The following PTGER3 variants were observed in gnomAD, a reference collection of about 807,000 sequenced individuals.
PTGER3 encodes prostaglandin E receptor 3, also known as prostaglandin E2 receptor EP3 subtype.
In PTGER3, 22 loss-of-function variants were observed where a neutral mutation model predicts 34.7. The observed-to-expected ratio is 0.63, with a 90% CI of 0.45 to 0.91. PTGER3 has a LOEUF of 0.91. PTGER3 is among the 40% of genes least tolerant of loss of function. PTGER3 has a pLI of 0.00. For missense variants in PTGER3, 468 were observed against 519.4 expected, an observed-to-expected ratio of 0.90 and a Z score of 0.96; for synonymous variants, 241 against 230.1, an observed-to-expected ratio of 1.05 and a Z score of -0.43.
intron 1 of PTGER3, among the ~76,000 whole-genome samples, chr1:71,013,105 G>T (rs948684848): frequency 6.6e-6 from 1 of 151,836 alleles, no homozygotes; most frequent in African/African-American, 2.4e-5. Flanking sequence ...ACTTTTCTTT[G>T]CCCCCACCCA....
intron 4 of PTGER3, among the ~76,000 whole-genome samples, chr1:70,909,286 G>A (rs908981783): frequency 6.6e-6 from 1 of 152,170 alleles, no homozygotes; most frequent in Middle Eastern, 3.2e-3. Context: ...TTATTTCTGT[G>A]CGTGTTAACC....
intron 4 of PTGER3, among the ~76,000 whole-genome samples, chr1:70,856,772 G>A (rs1645815895): frequency 6.6e-6 from 1 of 152,122 alleles, no homozygotes. Flanking sequence ...TTCTCCCAAT[G>A]GTTACATCTT....
intron 4 of PTGER3, among the ~76,000 whole-genome samples, chr1:70,893,329 G>T (rs1332447395): frequency 3.3e-5 from 5 of 152,188 alleles, no homozygotes; most frequent in African/African-American, 1.2e-4. Flanking sequence ...CCAATGCTTA[G>T]ATTTAATTCT....
intron 2 of PTGER3, among the ~76,000 whole-genome samples, chr1:71,001,836 T>A (rs1166578610): frequency 6.6e-6 from 1 of 152,206 alleles, no homozygotes; most frequent in Non-Finnish European, 1.5e-5. Context: ...GAATGTGCGA[T>A]TGCCCAATAC....
chr1:70,876,757 A>T (rs1323837781), intron 4 of PTGER3, among the ~76,000 whole-genome samples: 5 of 152,128 alleles, frequency 3.3e-5, no homozygotes, highest in Admixed American at 3.3e-4. Context: ...CAAAAACAAG[A>T]TGCCTGTAGG....
chr1:71,047,544 G>C lies in PTGER3; in HGVS notation c.34C>G (p.Pro12Ala). 1 of 1,573,720 alleles carries C rather than the reference G, an allele frequency of 6.4e-7. No homozygotes were observed. Among genetic ancestry groups the C allele is most frequent in the Non-Finnish European group, 8.6e-7 (1 of 1,157,762 alleles). The change falls in exon 1 of 4, where the codon CCC (proline) becomes GCC (alanine). Residue 12 changes from proline (P) to alanine (A), a missense_variant. Around this residue, in one of 5 missense-constraint regions of PTGER3, gnomAD observed 151 missense variants for 133.5 expected, o/e 1.13. Transcript: ENST00000306666. Reference protein sequence around the residue: ...KETRGYGGDAPFCTRLNHSYT... With the variant: ...KETRGYGGDAAFCTRLNHSYT... ...GAGTGGTTGAGGCGGGTGCAGAAGG[G>C]GGCATCCCCTCCGTAGCCCCGGGTC...
intron 4 of PTGER3, among the ~76,000 whole-genome samples, chr1:70,931,188 G>A (rs1648653179): frequency 6.6e-6 from 1 of 152,210 alleles, no homozygotes; most frequent in Non-Finnish European, 1.5e-5. Context: ...TTGACTCTAT[G>A]TCTCGCATCC....
rs1041608140 is a variant in PTGER3, at chr1:70,970,818, A to C, written c.*912T>G. ...TCCACAAAGTTTTTTATTTTAATACAGACAAAATAGATTCTTTTATTTTAT... is the reference window on the plus strand; with the variant it reads ...TCCACAAAGTTTTTTATTTTAATACCGACAAAATAGATTCTTTTATTTTAT... On this transcript the variant is annotated 3_prime_UTR_variant, in exon 4 of 4. Transcript: ENST00000306666. 1.1e-6 allele frequency: 1 copy of C among 884,836 alleles called. No homozygotes were observed. Among genetic ancestry groups the C allele is most frequent in the Admixed American group, 6.2e-5 (1 of 16,168 alleles). 54.8% of individuals were successfully genotyped at this position (884,836 alleles called of 1,614,324 possible). A position where few individuals can be genotyped will look rare whatever the true frequency, so the allele number is the denominator to read the frequency against.
downstream of PTGER3, among the ~76,000 whole-genome samples, chr1:70,969,853 A>G (rs148927179): frequency 2.3e-4 from 35 of 152,338 alleles, no homozygotes; most frequent in Non-Finnish European, 4.3e-4. Context: ...AGAATCAATC[A>G]TAGTAAATAC....
intron 4 of PTGER3, among the ~76,000 whole-genome samples, chr1:70,858,222 A>G (rs1301491551): frequency 7.6e-6 from 1 of 130,812 alleles, no homozygotes. Flanking sequence ...TTTTTTTGGT[A>G]CAACATAGCT....
At chr1:71,024,561 A>G (rs914215636) in intron 1 of PTGER3, among the ~76,000 whole-genome samples, 1 of 151,664 alleles carries the variant, frequency 6.6e-6, no homozygotes, top group African/African-American at 2.4e-5. Context: ...GAGCAAGGGT[A>G]TAGTGCATCC....
intron 2 of PTGER3, among the ~76,000 whole-genome samples, chr1:70,980,451 C>T (rs576526): frequency 0.6 from 91,614 of 151,680 alleles, 27,882 homozygotes; most frequent in Middle Eastern, 0.65. Context: ...TTGTAACTAC[C>T]CCTATAAGAT....
intron 4 of PTGER3, among the ~76,000 whole-genome samples, chr1:70,923,758 T>C (rs938890884): frequency 5.9e-5 from 9 of 152,192 alleles, no homozygotes; most frequent in African/African-American, 2.2e-4. Context: ...ATGAACAAAA[T>C]TTGGAGCATA....
intron 2 of PTGER3, chr1:70,953,792 G>A: frequency 7.4e-7 from 1 of 1,350,558 alleles, no homozygotes; most frequent in Non-Finnish European, 1.0e-6. Context: ...TTTCTCATCT[G>A]AAAAAGAGTA....
intron 4 of PTGER3, among the ~76,000 whole-genome samples, chr1:70,946,204 A>T (rs964344150): frequency 1.3e-5 from 2 of 151,948 alleles, no homozygotes; most frequent in Admixed American, 1.3e-4. Flanking sequence ...ACTTTTATGA[A>T]TTTACCCAAG....
In PTGER3 at chr1:70,931,250, C is replaced by T. The variant is rs550733812; in HGVS notation, c.*23+22513G>A. The stretch of plus-strand genomic sequence containing the variant: ...TCCCATGGTCTTGGGCAGCTCTGCC[C>T]CTGTGGCTTTGCAGGGTACAGCCCC... On this transcript the variant is annotated intron_variant, in intron 4 of 4. Transcript: ENST00000370931. 3.9e-5 allele frequency among the ~76,000 whole-genome samples: 6 copies of T among 152,322 alleles called. No individual in the cohort carries two copies. In the South Asian group the frequency reaches 1.2e-3, roughly 32 times the overall value.
intron 4 of PTGER3, among the ~76,000 whole-genome samples, chr1:70,854,130 A>T (rs1309055069): frequency 6.6e-6 from 1 of 152,206 alleles, no homozygotes; most frequent in Non-Finnish European, 1.5e-5. Context: ...ATGAGAGTAC[A>T]TCAAACTTAA....
At chr1:70,926,314 A>C (rs1648082400) in intron 4 of PTGER3, among the ~76,000 whole-genome samples, 1 of 152,246 alleles carries the variant, frequency 6.6e-6, no homozygotes, top group Admixed American at 6.5e-5. Flanking sequence ...ACCCATGAGC[A>C]TGGAATGTTC....
At chr1:71,024,666 T>G (rs1248373520) in intron 1 of PTGER3, among the ~76,000 whole-genome samples, 18 of 117,896 alleles carry the variant, frequency 1.5e-4, no homozygotes, top group Admixed American at 1.4e-3. Context: ...TTTTTTTTTT[T>G]GCCTCAGCCT....
Sources: allele counts gnomAD v4.1 joint callset (sites outside exome capture counted in the v4.1 genomes callset), GRCh38; gene constraint gnomAD v4.1.1; regional missense constraint gnomAD v4.1.1; transcripts MANE v1.5; gene names NCBI Gene and HGNC (gene_info 2026-07-23, HGNC 2026-07-21).